MTCL1: variants seen among roughly 807,000 people sequenced by gnomAD.
MTCL1 encodes microtubule crosslinking factor 1, also known as microtubule cross-linking factor 1.
A neutral mutation model predicts 141.4 loss-of-function variants in MTCL1; 79 were observed. The ratio of observed to expected loss-of-function variants is 0.56; its 90% CI spans 0.47 to 0.67. MTCL1 has a LOEUF of 0.67. MTCL1 is among the 30% of genes least tolerant of loss of function. The pLI is 0.00. For synonymous variants in MTCL1, 914 were observed against 875.8 expected (o/e 1.04, Z -0.77); for missense variants, 2,177 against 2,113.9 (o/e 1.03, Z -0.59).
At chr18:8,725,790 C>CTTTTTTTTTTTTTTTTTTTT (rs796484848) in intron 4 of MTCL1, among the ~76,000 whole-genome samples, 57 of 61,066 alleles carry the variant, frequency 9.3e-4, no homozygotes, top group Non-Finnish European at 1.1e-3. Flanking sequence ...TTTTTTTTTT[C>CTTTTTTTTTTTTTTTTTTTT]TTTTTTTTTT....
At chr18:8,751,861 C>T (rs866748579) in intron 4 of MTCL1, among the ~76,000 whole-genome samples, 1 of 152,236 alleles carries the variant, frequency 6.6e-6, no homozygotes, top group Non-Finnish European at 1.5e-5. Flanking sequence ...CATTGACCTG[C>T]ACACGAGGTG....
rs1187316165 is a variant in MTCL1 at position 8,830,214 on chromosome 18, C to T, written c.*18+1250C>T. On this transcript the variant is annotated intron_variant, in intron 16 of 16. Coordinates refer to ENST00000359865, the Ensembl canonical transcript of MTCL1. The surrounding 1 kb of genome is among the most constrained non-coding windows in gnomAD (Gnocchi z 6.4). ...TAGTCTGCATCTTGGTGGCTGGTGG[C>T]GCTGGTGGAGTTTTAACTGGAGAGG... 2.5e-5 allele frequency: 25 copies of T among 985,654 alleles called. No homozygotes were observed. In the South Asian group the frequency reaches 9.4e-4, roughly 37 times the overall value. The allele number at this position is 985,654 out of a possible 1,614,324, so 61.1% of individuals were successfully genotyped here.
At chr18:8,804,227 C>T (rs2076217714) in intron 10 of MTCL1, among the ~76,000 whole-genome samples, 1 of 151,048 alleles carries the variant, frequency 6.6e-6, no homozygotes, top group African/African-American at 2.4e-5. Context: ...CCTCTTGTCA[C>T]TCAACTGTAC....
chr18:8,793,487 A>C (rs2075808730), intron 8 of MTCL1, among the ~76,000 whole-genome samples: 1 of 152,208 alleles, frequency 6.6e-6, no homozygotes, highest in Non-Finnish European at 1.5e-5. Flanking sequence ...CCGATAGAAA[A>C]ATCAGCAACC....
intron 4 of MTCL1, among the ~76,000 whole-genome samples, chr18:8,727,540 A>T (rs565272082): frequency 1.3e-5 from 2 of 152,226 alleles, no homozygotes; most frequent in Admixed American, 1.3e-4. Flanking sequence ...TTCTCTGATG[A>T]TTAGTGATGT....
At position 8,818,567 on chromosome 18, in the gene MTCL1, G is replaced by A. The variant is rs72938177; in HGVS notation, c.2860-396G>A. 2.0e-3 allele frequency among the ~76,000 whole-genome samples: 308 copies of A among 152,292 alleles called. 1 individual carries two copies. The highest frequency in any genetic ancestry group is 3.3e-3 in the East Asian group (17 of 5,188). ...GCTATCACTGATAGTATTCCACTGAGTATGTCTTCACTTCTGAAGGAAGTT... is the reference window on the plus strand; with the variant it reads ...GCTATCACTGATAGTATTCCACTGAATATGTCTTCACTTCTGAAGGAAGTT... On this transcript the variant is annotated intron_variant, in intron 12 of 16. Transcript: ENST00000359865.
intron 1 of MTCL1, chr18:8,717,555 A>C (rs1044574581): frequency 2.6e-5 from 4 of 152,412 alleles, no homozygotes; most frequent in African/African-American, 9.7e-5. Context: ...CATTAAAAGG[A>C]TTACTCTGCT....
At chr18:8,722,818 G>A (rs2096182376) in intron 4 of MTCL1, among the ~76,000 whole-genome samples, 1 of 152,298 alleles carries the variant, frequency 6.6e-6, no homozygotes, top group South Asian at 2.1e-4. Flanking sequence ...TTTTATATGT[G>A]TATACATTTG....
At chr18:8,720,643 A>AT (rs2096164535) in intron 4 of MTCL1, 147 bp downstream of exon 3, 2 of 770,858 alleles carry the variant, frequency 2.6e-6, no homozygotes, top group South Asian at 2.1e-5. Context: ...TTGTTTTTAC[A>AT]TTTTTTTCCT....
chr18:8,717,597 G>A (rs770974482), intron 1 of MTCL1, among the ~76,000 whole-genome samples: 2 of 152,178 alleles, frequency 1.3e-5, no homozygotes, highest in Non-Finnish European at 1.5e-5. Context: ...AGGATTAGAG[G>A]GCCAGCTGAG....
intron 8 of MTCL1, among the ~76,000 whole-genome samples, chr18:8,793,873 C>T (rs1203991604): frequency 1.3e-5 from 2 of 152,208 alleles, no homozygotes; most frequent in Non-Finnish European, 2.9e-5. Context: ...CAAATAAGGT[C>T]CTGGTATATC....
chr18:8,772,112 C>T (rs2143071589), intron 4 of MTCL1, among the ~76,000 whole-genome samples: 1 of 152,376 alleles, frequency 6.6e-6, no homozygotes, highest in Non-Finnish European at 1.5e-5. Flanking sequence ...TGCTTGGAGG[C>T]ACAGTGATTG....
chr18:8,726,676 G>C (rs2096217529), intron 4 of MTCL1, among the ~76,000 whole-genome samples: 1 of 152,116 alleles, frequency 6.6e-6, no homozygotes, highest in African/African-American at 2.4e-5. Flanking sequence ...TTGGGGGAGG[G>C]CATAAACGTT....
At chr18:8,789,342 C>A in intron 7 of MTCL1, 1 of 941,398 alleles carries the variant, frequency 1.1e-6, no homozygotes, top group Non-Finnish European at 1.3e-6. Context: ...TGGAACCCTC[C>A]AGAAAATGAA....
intron 1 of MTCL1, among the ~76,000 whole-genome samples, chr18:8,710,868 CTTTTTTCTTTTT>C (rs1567921144): frequency 3.1e-3 from 101 of 32,128 alleles, no homozygotes; most frequent in Non-Finnish European, 5.8e-3. Flanking sequence ...AATCTGTTTT[CTTTTTTCTTTTT>C]TTTTTTACTT....
At chr18:8,772,811 T>A (rs1470172332) in intron 4 of MTCL1, among the ~76,000 whole-genome samples, 3 of 152,096 alleles carry the variant, frequency 2.0e-5, no homozygotes, top group Non-Finnish European at 4.4e-5. Context: ...AAAGCATGAC[T>A]GTGTCTAGAA....
exon 17 of MTCL1, chr18:8,832,113 T>G (rs2077208805): frequency 3.1e-6 from 1 of 325,240 alleles, no homozygotes; most frequent in South Asian, 4.8e-5. Flanking sequence ...AATAAAAGTT[T>G]TAAAAAATGT....
intron 1 of MTCL1, among the ~76,000 whole-genome samples, chr18:8,710,439 A>C (rs1269424343): frequency 6.7e-6 from 1 of 149,998 alleles, no homozygotes; most frequent in Non-Finnish European, 1.5e-5. Context: ...TGGGCTTCTC[A>C]TAAAACCCAG....
rs551143771 is a variant in MTCL1 at position 8,785,209 on chromosome 18, C to T, written c.1731+366C>T. On this transcript the variant is annotated intron_variant, in intron 6 of 16. Transcript: ENST00000359865. ...TTGGTATCTCAACCAACCAGCCACC[C>T]GCTGAAGAAGCCGTGAGGAGGCTAA... Among the ~76,000 whole-genome samples the T allele has an allele frequency of 2.5e-4, 38 of 152,220 alleles. No individual in the cohort carries two copies. In the South Asian group the frequency reaches 5.8e-3, roughly 23 times the overall value.
Sources: allele counts gnomAD v4.1 joint callset (sites outside exome capture counted in the v4.1 genomes callset), GRCh38; gene constraint gnomAD v4.1.1; non-coding constraint Gnocchi (gnomAD v3.1); transcripts MANE v1.5; gene names NCBI Gene and HGNC (gene_info 2026-07-23, HGNC 2026-07-21).